Variants in PPP1R12C observed in about 807,000 individuals in gnomAD.
The protein encoded by PPP1R12C is leukocyte receptor cluster (LRC) encoded novel gene 3.
In PPP1R12C, 48 loss-of-function variants were observed where a neutral mutation model predicts 95.6. That is an observed-to-expected ratio of 0.50 (90% CI 0.40 to 0.64). PPP1R12C has a LOEUF of 0.64. Among genes scored for constraint, PPP1R12C ranks in the 30% least tolerant of loss-of-function variants. The pLI, the probability that PPP1R12C is intolerant of heterozygous loss-of-function variation, is 0.00. For synonymous variants in PPP1R12C, 480 were observed against 460.8 expected (o/e 1.04, Z -0.53); for missense variants, 1,057 against 1,083.3 (o/e 0.98, Z 0.34).
intron 4 of PPP1R12C, 37 bp from the exon 5 acceptor site, chr19:55,099,132 C>G: frequency 6.8e-7 from 1 of 1,475,250 alleles, no homozygotes; most frequent in Non-Finnish European, 9.0e-7. Flanking sequence ...GAGGCCAAGG[C>G]GGGGCCCTTG....
chr19:55,092,040 C>T (rs1192516848), intron 19 of PPP1R12C, 131 bp from the exon 20 acceptor site: 25 of 1,255,382 alleles, frequency 2.0e-5, no homozygotes, highest in Non-Finnish European at 2.7e-5. Context: ...GGCCAGGCCC[C>T]GCCACCGGCA....
In PPP1R12C at chr19:55,098,871, A is replaced by G; in HGVS notation, c.877-13T>C. 6.2e-7 allele frequency: 1 copy of G among 1,612,860 alleles called. No individual in the cohort carries two copies. The highest frequency in any genetic ancestry group is 8.5e-7 in the Non-Finnish European group (1 of 1,179,710). On this transcript the variant is annotated splice_polypyrimidine_tract_variant and intron_variant, in intron 5 of 21. Transcript: ENST00000263433. ...AGGGACGCTGCCCCTGGGTCAGGGG[A>G]GGAGCAGGATCAGACAATGAAGGAG...
At chr19:55,113,831 G>A (rs2085125310) in intron 1 of PPP1R12C, 5 of 206,218 alleles carry the variant, frequency 2.4e-5, no homozygotes, top group Non-Finnish European at 3.8e-5. Flanking sequence ...GGGGAGGGGG[G>A]CAAGGAGAGC....
In PPP1R12C at chr19:55,096,315, A is replaced by C. The variant is rs2084912106; in HGVS notation, c.972T>G (p.Ala324=). 6.2e-7 allele frequency: 1 copy of C among 1,613,348 alleles called. No homozygotes were observed. The highest frequency in any genetic ancestry group is 1.1e-5 in the South Asian group (1 of 91,086). Residue 324 remains alanine (A), a synonymous_variant, in exon 7 of 22, where the codon GCT becomes GCG. Transcript: ENST00000263433. ...KQEDLRNQKE[A]SQSRGQEPQA... is the part of the protein sequence containing the mutation. ...GGGGCTCCTGGCCCCGGCTCTGGGA[A>C]GCTTCTTTTTGGTTCCGAAGCTGCA...
In PPP1R12C at chr19:55,095,301, G is replaced by T; in HGVS notation, c.1444C>A (p.Pro482Thr). ...GCCCTGGGGACTCACAGGACAGAGG[G>T]CTCCGGCAGCTTCGGGGAGGGGGTC... ...TPTPSPKLPE[P>T]SVLSEVTKPP... Residue 482 changes from proline (P) to threonine (T), a missense_variant, in exon 11 of 22, where the codon CCC (proline) becomes ACC (threonine). Physicochemically the swap from Pro to Thr is conservative, Grantham distance 38. This residue lies in a region of PPP1R12C where 356 missense variants were observed against 330.5 expected (regional missense o/e 1.08). Coordinates refer to ENST00000263433, the MANE Select transcript of PPP1R12C (RefSeq NM_017607.4). 1 of 1,578,116 alleles carries T rather than the reference G, an allele frequency of 6.3e-7. No individual in the cohort carries two copies.
intron 3 of PPP1R12C, among the ~76,000 whole-genome samples, chr19:55,108,705 C>A (rs1468660151): frequency 6.6e-6 from 1 of 151,932 alleles, no homozygotes; most frequent in Non-Finnish European, 1.5e-5. Context: ...TTTGTTTTGT[C>A]TTGTTTTGTT....
At chr19:55,095,038 T>C in intron 11 of PPP1R12C, 1 of 675,356 alleles carries the variant, frequency 1.5e-6, no homozygotes, top group Non-Finnish European at 2.5e-6. Flanking sequence ...GGTGTGCGTG[T>C]GCGGACGGCG....
chr19:55,092,383 G>A (rs2084854118), intron 18 of PPP1R12C, 57 bp from the exon 19 acceptor site: 3 of 1,568,564 alleles, frequency 1.9e-6, no homozygotes, highest in African/African-American at 2.7e-5. Flanking sequence ...GGGGGGGCGG[G>A]GAAGCCAGGA....
rs528674944 is a variant in PPP1R12C, at chr19:55,095,827, C to T, written c.1227+40G>A. 6.9e-6 allele frequency: 11 copies of T among 1,600,124 alleles called. No homozygotes were observed. The South Asian group carries it at 7.7e-5, about 11-fold the overall frequency. On this transcript the variant is annotated intron_variant, in intron 9 of 21. Coordinates refer to ENST00000263433, the MANE Select transcript of PPP1R12C (RefSeq NM_017607.4). ...GGCTGTATGGAATCCCACCTCCGGG[C>T]CCTCCCAGCCTCACAGGACCTCTCA...
intron 3 of PPP1R12C, among the ~76,000 whole-genome samples, chr19:55,104,668 A>G (rs1034304630): frequency 1.3e-5 from 2 of 151,842 alleles, no homozygotes; most frequent in Non-Finnish European, 2.9e-5. Context: ...ACTGCACTCC[A>G]GCCTGGGTGA....
rs1193131716 is a variant in PPP1R12C, at chr19:55,117,603, C to G, written c.-60G>C. The G allele has an allele frequency of 4.4e-6, 4 of 908,206 alleles. No individual in the cohort carries two copies. The African/African-American group carries it at 5.8e-5, about 13-fold the overall frequency. The allele number at this position is 908,206 out of a possible 1,614,324, so 56.3% of individuals were successfully genotyped here. Reference sequence around the variant, plus strand: ...CCGAGCCCCAACCGCCGCCACCACCCGCCCGCCCGCCCGCCCCGGGGGCCG... The same window carrying G: ...CCGAGCCCCAACCGCCGCCACCACCGGCCCGCCCGCCCGCCCCGGGGGCCG... On this transcript the variant is annotated 5_prime_UTR_variant, in exon 1 of 22. Coordinates refer to ENST00000263433, the MANE Select transcript of PPP1R12C (RefSeq NM_017607.4).
intron 3 of PPP1R12C, among the ~76,000 whole-genome samples, chr19:55,111,150 A>AGGGGGTTTGGGGGGGGGGGGGGGGG (rs2085090945): frequency 1.5e-5 from 1 of 65,090 alleles, no homozygotes; most frequent in African/African-American, 4.4e-5. Context: ...GGTGGGGGGG[A>AGGGGGTTTGGGGGGGGGGGGGGGGG]GGGGGGGGTG....
rs2147190665 is a variant in PPP1R12C, at chr19:55,098,942, G to A, written c.876+9C>T. 1 of 1,588,588 alleles carries A rather than the reference G, an allele frequency of 6.3e-7. No homozygotes were observed. ...CCTGCCCCTCACCAGCCTGGGCACTGGCCCTCACCGCATGGGTCAGTGAGT... is the reference window on the plus strand; with the variant it reads ...CCTGCCCCTCACCAGCCTGGGCACTAGCCCTCACCGCATGGGTCAGTGAGT... On this transcript the variant is annotated intron_variant, in intron 5 of 21. Transcript: ENST00000263433.
chr19:55,092,775 C>A lies in PPP1R12C; in HGVS notation c.1911+8G>T. On this transcript the variant is annotated splice_region_variant and intron_variant, in intron 16 of 21. Coordinates refer to ENST00000263433, the MANE Select transcript of PPP1R12C (RefSeq NM_017607.4). ...CTGCACCAGCTCGGCCCCACCTGAG[C>A]CCCTCACCTCCGCAGGCCCCCTCCA... The A allele has an allele frequency of 6.4e-7, 1 of 1,551,088 alleles. No individual in the cohort carries two copies. The highest frequency in any genetic ancestry group is 8.7e-7 in the Non-Finnish European group (1 of 1,147,214).
At chr19:55,104,203 C>T (rs1377346975) in intron 3 of PPP1R12C, among the ~76,000 whole-genome samples, 1 of 134,262 alleles carries the variant, frequency 7.4e-6, no homozygotes, top group African/African-American at 2.9e-5. Context: ...TATATATACA[C>T]ACACACACAC....
intron 6 of PPP1R12C, 36 bp from the exon 7 acceptor site, chr19:55,096,371 G>T: frequency 6.2e-7 from 1 of 1,600,412 alleles, no homozygotes; most frequent in South Asian, 1.1e-5. Context: ...GGGAGGGGTG[G>T]AGCACACGTG....
At chr19:55,094,639 C>A in intron 12 of PPP1R12C, 22 bp downstream of exon 12, 1 of 1,558,334 alleles carries the variant, frequency 6.4e-7, no homozygotes, top group Admixed American at 1.9e-5. Flanking sequence ...GGGGCGGCAG[C>A]TTCCTGCCCT....
At position 55,117,505 on chromosome 19, in the gene PPP1R12C, CGCCCCCGGGCCA is replaced by C; in HGVS notation, c.27_38del (p.Gly10_Ala13del). On this transcript the variant is annotated inframe_deletion, in exon 1 of 22. Transcript: ENST00000263433. ...GCCGCTCCCGGGCAGCCGCCGCCGC[CGCCCCCGGGCCA>C]GCCGCCGGGCCATCCTCTCCGGACA... The C allele has an allele frequency of 9.7e-7, 1 of 1,026,606 alleles. No homozygotes were observed. Among genetic ancestry groups the C allele is most frequent in the Non-Finnish European group, 1.2e-6 (1 of 857,196 alleles). The allele number at this position is 1,026,606 out of a possible 1,614,324, so 63.6% of individuals were successfully genotyped here. A position where few individuals can be genotyped will look rare whatever the true frequency, so the allele number is the denominator to read the frequency against.
At chr19:55,103,282 G>A in intron 4 of PPP1R12C, 127 bp downstream of exon 4, 2 of 907,840 alleles carry the variant, frequency 2.2e-6, no homozygotes, top group Non-Finnish European at 3.0e-6. Flanking sequence ...AAACTTGTGG[G>A]TACAGCTAAG....
Sources: allele counts gnomAD v4.1 joint callset (sites outside exome capture counted in the v4.1 genomes callset), GRCh38; gene constraint gnomAD v4.1.1; regional missense constraint gnomAD v4.1.1; transcripts MANE v1.5; gene names NCBI Gene and HGNC (gene_info 2026-07-23, HGNC 2026-07-21).